The following SLC12A9 variants were observed in gnomAD, a reference collection of about 807,000 sequenced individuals.
SLC12A9 encodes CCC-interacting protein 1.
Under a neutral mutation model 66.0 loss-of-function variants are expected in SLC12A9, and 55 were observed. The ratio of observed to expected loss-of-function variants is 0.83; its 90% CI spans 0.67 to 1.04. SLC12A9 has a LOEUF of 1.04. Ranked by LOEUF, SLC12A9 falls within the 50% of genes least tolerant of loss-of-function variation. The probability of loss-of-function intolerance (pLI) is 0.00; values close to 1 mark genes in which losing one functional copy is unlikely to be tolerated. For synonymous variants in SLC12A9, 577 were observed against 569.0 expected, an observed-to-expected ratio of 1.01 and a Z score of -0.20; for missense variants, 1,061 against 1,241.9, an observed-to-expected ratio of 0.85 and a Z score of 2.19.
upstream of SLC12A9, among the ~76,000 whole-genome samples, chr7:100,852,346 A>G (rs1015483003): frequency 3.3e-5 from 5 of 152,144 alleles, no homozygotes; most frequent in African/African-American, 1.2e-4. Flanking sequence ...AAGTCCCTGA[A>G]CGAAGTGGGC....
chr7:100,859,094 G>T lies in SLC12A9; in HGVS notation c.910G>T (p.Val304Phe), dbSNP rs371521867. 2 of 1,613,774 alleles carry T rather than the reference G, an allele frequency of 1.2e-6. No homozygotes were observed. The highest frequency in any genetic ancestry group is 2.7e-5 in the African/African-American group (2 of 74,890). The change falls in exon 7 of 14, where the codon GTC (valine) becomes TTC (phenylalanine). Residue 304 changes from valine (V) to phenylalanine (F), a missense_variant. Transcript: ENST00000354161. ...CCGGGCGATCCCTCTGGGCACGATCGTCGCCGTCGCCTACACCTTCTTCGT... is the reference window on the plus strand; with the variant it reads ...CCGGGCGATCCCTCTGGGCACGATCTTCGCCGTCGCCTACACCTTCTTCGT... ...PSRAIPLGTI[V>F]AVAYTFFVYV...
upstream of SLC12A9, among the ~76,000 whole-genome samples, chr7:100,850,679 G>A (rs964548616): frequency 2.6e-5 from 4 of 151,022 alleles, no homozygotes; most frequent in East Asian, 1.9e-4. Context: ...GACAACAGGC[G>A]TGCACCACCA....
At chr7:100,851,808 G>GAAAAAAAAAA (rs1814091790), upstream of SLC12A9, among the ~76,000 whole-genome samples, 2 of 108,652 alleles carry the variant, frequency 1.8e-5, no homozygotes. Flanking sequence ...AAAAAAAAAG[G>GAAAAAAAAAA]AAATGTATCT....
At position 100,861,369 on chromosome 7, in the gene SLC12A9, C is replaced by T. The variant is rs901594384; in HGVS notation, c.1344-23C>T. 1 of 1,611,902 alleles carries T rather than the reference C, an allele frequency of 6.2e-7. No individual in the cohort carries two copies. The highest frequency in any genetic ancestry group is 2.2e-5 in the East Asian group (1 of 44,854). ...GTGCGGCCTGCCCTGAGTTTCTGTCCCTCCTCCCCTCCATGCCCGCAGCCC... is the reference window on the plus strand; with the variant it reads ...GTGCGGCCTGCCCTGAGTTTCTGTCTCTCCTCCCCTCCATGCCCGCAGCCC... On this transcript the variant is annotated intron_variant, in intron 10 of 13. Transcript: ENST00000354161. The surrounding 1 kb of genome is among the most constrained non-coding windows in gnomAD (Gnocchi z 5.3).
At chr7:100,835,338 A>C (rs1281184969) in intron 1 of SLC12A9, among the ~76,000 whole-genome samples, 2 of 129,004 alleles carry the variant, frequency 1.6e-5, no homozygotes, top group South Asian at 2.5e-4. Context: ...CGGGGCAACA[A>C]AGCGAGGCTC....
At chr7:100,859,745 A>G (rs1814624971) in intron 7 of SLC12A9, 140 bp from the exon 8 acceptor site, 1 of 1,064,772 alleles carries the variant, frequency 9.4e-7, no homozygotes, top group Non-Finnish European at 1.3e-6. Flanking sequence ...CTGAGTGATT[A>G]AATCCAAGGC....
Position 100,865,884 on chromosome 7 carries a change from C to T in SLC12A9, c.2024C>T (p.Pro675Leu). 1 of 1,613,650 alleles carries T rather than the reference C, an allele frequency of 6.2e-7. No homozygotes were observed. The change falls in exon 14 of 14, where the codon CCC (proline) becomes CTC (leucine). Residue 675 changes from proline to leucine, a missense_variant. By Grantham distance (98) the Pro-to-Leu change is moderately conservative. Coordinates refer to ENST00000354161, the MANE Select transcript of SLC12A9 (RefSeq NM_020246.4). ...LFPPPRAPGS[P>L]RALNPQDYVA... ...CCTCCTCCCCGGGCTCCTGGGAGCCCCCGGGCCCTCAATCCCCAGGACTAT... is the reference window on the plus strand; with the variant it reads ...CCTCCTCCCCGGGCTCCTGGGAGCCTCCGGGCCCTCAATCCCCAGGACTAT...
chr7:100,859,821 G>C, intron 7 of SLC12A9, 64 bp from the exon 8 acceptor site: 2 of 1,538,958 alleles, frequency 1.3e-6, no homozygotes, highest in Non-Finnish European at 1.8e-6. Context: ...CTTAAGATCG[G>C]GGCTGGAGAT....
chr7:100,843,053 CTTA>C (rs968076237), intron 1 of SLC12A9, among the ~76,000 whole-genome samples: 1 of 152,262 alleles, frequency 6.6e-6, no homozygotes, highest in African/African-American at 2.4e-5. Flanking sequence ...TTTTCAAGAG[CTTA>C]TTAATCAGTC....
At chr7:100,865,696 T>TG in intron 13 of SLC12A9, 23 bp from the exon 14 acceptor site, 2 of 1,587,122 alleles carry the variant, frequency 1.3e-6, no homozygotes, top group African/African-American at 2.7e-5. Flanking sequence ...TGTCTGTTCC[T>TG]GCCTTCCCCG....
Position 100,859,114 on chromosome 7 carries a change from CT to C in SLC12A9, c.932del (p.Phe311SerfsTer37), listed in dbSNP as rs754519185. On this transcript the variant is annotated frameshift_variant, in exon 7 of 14. Coordinates refer to ENST00000354161, the MANE Select transcript of SLC12A9 (RefSeq NM_020246.4). LOFTEE classifies it high-confidence loss of function. Reference sequence around the variant, plus strand: ...CGATCGTCGCCGTCGCCTACACCTTCTTCGTCTATGTCCTGCTTTTCTTTCT... The same window carrying C: ...CGATCGTCGCCGTCGCCTACACCTTCTCGTCTATGTCCTGCTTTTCTTTCT... ...GTIVAVAYTF[F>X]VYVLLFFLSS... 5 of 1,614,132 alleles carry C rather than the reference CT, an allele frequency of 3.1e-6. No individual in the cohort carries two copies. In the South Asian group the frequency reaches 5.5e-5, roughly 18 times the overall value.
chr7:100,850,722 C>CTT (rs552170386), upstream of SLC12A9, among the ~76,000 whole-genome samples: 5 of 141,538 alleles, frequency 3.5e-5, no homozygotes, highest in East Asian at 4.2e-4. Context: ...TCTTCTTCTT[C>CTT]TTTTTTTTTT....
chr7:100,834,181 T>A (rs533780991), intron 1 of SLC12A9, among the ~76,000 whole-genome samples: 2 of 152,182 alleles, frequency 1.3e-5, no homozygotes, highest in South Asian at 4.2e-4. Flanking sequence ...GATGTCTGAA[T>A]GAGTCCTAGA....
intron 1 of SLC12A9, chr7:100,827,518 G>A (rs1813446114): frequency 6.6e-6 from 1 of 151,606 alleles, no homozygotes; most frequent in Non-Finnish European, 1.5e-5. Context: ...GAGCTGCGCT[G>A]GAACTGGGCC....
In SLC12A9 at chr7:100,855,788, C is replaced by G; in HGVS notation, c.399C>G (p.Ala133=). 1.9e-6 allele frequency: 3 copies of G among 1,613,738 alleles called. No individual in the cohort carries two copies. The highest frequency in any genetic ancestry group is 2.5e-6 in the Non-Finnish European group (3 of 1,179,776). The stretch of plus-strand genomic sequence containing the variant: ...ACCTGGCTAACGTCTGTGGCTGTGC[C>G]GTCTCCCTCCTGGGGCTGGTGGAGT... ...MFYLANVCGC[A]VSLLGLVESV... is the part of the protein sequence containing the mutation. The change falls in exon 4 of 14, where the codon GCC becomes GCG. Residue 133 remains alanine, a synonymous_variant. Transcript: ENST00000354161.
chr7:100,865,405 G>A, intron 13 of SLC12A9: 1 of 1,536,156 alleles, frequency 6.5e-7, no homozygotes, highest in Non-Finnish European at 8.7e-7. Flanking sequence ...CCCGCTAGAA[G>A]CCGGGAGTGG....
At chr7:100,845,778 C>T (rs1813898219) in intron 1 of SLC12A9, among the ~76,000 whole-genome samples, 1 of 152,142 alleles carries the variant, frequency 6.6e-6, no homozygotes, top group African/African-American at 2.4e-5. Flanking sequence ...ATAAATGGCC[C>T]TCTGAGAGAA....
At chr7:100,865,480 GC>G (rs1391448864) in intron 13 of SLC12A9, 25 of 1,533,008 alleles carry the variant, frequency 1.6e-5, no homozygotes, top group Non-Finnish European at 2.0e-5. Context: ...GGCGAACTTT[GC>G]CTGTTTAAGT....
chr7:100,857,149 A>G lies in SLC12A9; in HGVS notation c.730A>G (p.Ser244Gly). The G allele has an allele frequency of 6.2e-7, 1 of 1,613,602 alleles. No homozygotes were observed. Among genetic ancestry groups the G allele is most frequent in the Non-Finnish European group, 8.5e-7 (1 of 1,179,724 alleles). Reference sequence around the variant, plus strand: ...GTTTGGCCACTTCACCGGCTTCAACAGCAGTACCCTGAAGGACAACTTGGG... The same window carrying G: ...GTTTGGCCACTTCACCGGCTTCAACGGCAGTACCCTGAAGGACAACTTGGG... ...PRFGHFTGFN[S>G]STLKDNLGAG... The change falls in exon 5 of 14, where the codon AGC becomes GGC. Residue 244 changes from serine to glycine, a missense_variant. By Grantham distance (56) the Ser-to-Gly change is moderately conservative. Coordinates refer to ENST00000354161, the MANE Select transcript of SLC12A9 (RefSeq NM_020246.4).
Sources: gnomAD v4.1 joint callset for allele counts (sites outside exome capture counted in the v4.1 genomes callset) on GRCh38, gnomAD v4.1.1 for gene constraint, Gnocchi (gnomAD v3.1) non-coding constraint, MANE v1.5 for transcripts, NCBI Gene and HGNC (gene_info 2026-07-23, HGNC 2026-07-21) for gene names.